SCMH1: variants seen among roughly 807,000 people sequenced by gnomAD.
SCMH1 encodes the protein Scm polycomb group protein homolog 1.
In SCMH1, 37 loss-of-function variants were observed where a neutral mutation model predicts 70.8. That is an observed-to-expected ratio of 0.52 (90% CI 0.40 to 0.69). The LOEUF (loss-of-function observed/expected upper bound fraction) is 0.69. Among genes scored for constraint, SCMH1 ranks in the 30% least tolerant of loss-of-function variants. SCMH1 has a pLI of 0.00. For missense variants in SCMH1, 607 were observed against 827.3 expected (o/e 0.73, Z 3.27); for synonymous variants, 292 against 307.4 (o/e 0.95, Z 0.52).
intron 8 of SCMH1, among the ~76,000 whole-genome samples, chr1:41,083,857 G>A (rs1221252993): frequency 6.6e-6 from 1 of 152,110 alleles, no homozygotes; most frequent in Non-Finnish European, 1.5e-5. Flanking sequence ...ACAAACCTGA[G>A]AAAAACAAGC....
chr1:41,082,653 C>T (rs1457260841), intron 8 of SCMH1, among the ~76,000 whole-genome samples: 3 of 152,004 alleles, frequency 2.0e-5, no homozygotes, highest in Admixed American at 6.6e-5. Flanking sequence ...ATACCAAAGC[C>T]GGGCAGAGAC....
intron 8 of SCMH1, among the ~76,000 whole-genome samples, chr1:41,092,454 T>C (rs940987515): frequency 5.9e-5 from 9 of 152,146 alleles, no homozygotes; most frequent in Admixed American, 1.3e-4. Flanking sequence ...ATTCAGGACA[T>C]AGGCATGGGC....
intron 4 of SCMH1, among the ~76,000 whole-genome samples, chr1:41,153,550 A>T (rs964215974): frequency 6.6e-6 from 1 of 152,148 alleles, no homozygotes; most frequent in East Asian, 1.9e-4. Flanking sequence ...ATACATATCA[A>T]CCATGGTAAT....
chr1:41,142,924 A>T (rs1644233416), exon 6 of SCMH1: 1 of 1,614,192 alleles, frequency 6.2e-7, no homozygotes, highest in Non-Finnish European at 8.5e-7. Flanking sequence ...AGTTCCCAAT[A>T]GGCTGGATTT....
intron 13 of SCMH1, among the ~76,000 whole-genome samples, chr1:41,034,296 C>A (rs1644975354): frequency 7.7e-6 from 1 of 129,338 alleles, no homozygotes; most frequent in African/African-American, 2.5e-5. Flanking sequence ...TTCCTGAAAG[C>A]TCTCTCCGCT....
At chr1:41,199,922 C>T (rs1016656726) in intron 1 of SCMH1, among the ~76,000 whole-genome samples, 18 of 152,170 alleles carry the variant, frequency 1.2e-4, no homozygotes, top group African/African-American at 4.3e-4. Flanking sequence ...ATCCTCTTTT[C>T]GGTTTCCTTA....
chr1:41,166,202 G>C (rs1646398067), intron 2 of SCMH1, among the ~76,000 whole-genome samples: 1 of 152,074 alleles, frequency 6.6e-6, no homozygotes, highest in Admixed American at 6.5e-5. Context: ...TGGTAGACTT[G>C]TCTGTTTTTA....
chr1:41,152,583 T>TC, intron 4 of SCMH1: 1 of 1,613,618 alleles, frequency 6.2e-7, no homozygotes, highest in Non-Finnish European at 8.5e-7. Flanking sequence ...ATTACCAGTC[T>TC]CCCCCTAATA....
At chr1:41,232,706 G>T (rs565364722) in intron 1 of SCMH1, among the ~76,000 whole-genome samples, 2 of 152,036 alleles carry the variant, frequency 1.3e-5, no homozygotes, top group South Asian at 2.1e-4. Flanking sequence ...GTGTTTATAC[G>T]TTTCAACATA....
chr1:41,053,784 G>C (rs888125174), intron 10 of SCMH1, among the ~76,000 whole-genome samples: 3 of 152,166 alleles, frequency 2.0e-5, no homozygotes, highest in African/African-American at 7.2e-5. Flanking sequence ...CAGAGTGTCA[G>C]TGAAAACTGA....
intron 8 of SCMH1, among the ~76,000 whole-genome samples, chr1:41,101,024 G>A (rs188308299): frequency 6.3e-4 from 95 of 151,338 alleles, no homozygotes; most frequent in African/African-American, 2.1e-3. Flanking sequence ...TTGGGGAGGC[G>A]GGGAGAAAAA....
At chr1:41,128,036 T>C (rs1471496071) in intron 6 of SCMH1, among the ~76,000 whole-genome samples, 3 of 152,184 alleles carry the variant, frequency 2.0e-5, no homozygotes, top group Non-Finnish European at 4.4e-5. Flanking sequence ...CAAATTTTCA[T>C]ATACAGTCAG....
intron 7 of SCMH1, among the ~76,000 whole-genome samples, chr1:41,114,752 C>T (rs1310291435): frequency 6.6e-6 from 1 of 152,046 alleles, no homozygotes; most frequent in African/African-American, 2.4e-5. Flanking sequence ...TCCTGGCTCA[C>T]TGCAACCTCT....
intron 8 of SCMH1, among the ~76,000 whole-genome samples, chr1:41,112,308 T>G (rs1335883330): frequency 6.6e-6 from 1 of 152,168 alleles, no homozygotes; most frequent in Non-Finnish European, 1.5e-5. Context: ...AACAGAGGTT[T>G]AGAAAAAGAT....
At chr1:41,045,373 T>C (rs1355539337) in intron 12 of SCMH1, among the ~76,000 whole-genome samples, 1 of 151,970 alleles carries the variant, frequency 6.6e-6, no homozygotes, top group Non-Finnish European at 1.5e-5. Flanking sequence ...TGCTTGCAAG[T>C]CACATAAGCA....
chr1:41,113,557 GAC>G lies in SCMH1; in HGVS notation c.502-33_502-32del. 6.3e-7 allele frequency: 1 copy of G among 1,583,784 alleles called. No individual in the cohort carries two copies. The highest frequency in any genetic ancestry group is 8.6e-7 in the Non-Finnish European group (1 of 1,166,706). On this transcript the variant is annotated intron_variant, in intron 7 of 14. Transcript: ENST00000337495. The surrounding 1 kb of genome is among the most constrained non-coding windows in gnomAD (Gnocchi z 4.3). ...TGAGAAACAGAAACATACACACCTAGACACAAAGAGAGGCCATTATGCCAATA... is the reference window on the plus strand; with the variant it reads ...TGAGAAACAGAAACATACACACCTAGACAAAGAGAGGCCATTATGCCAATA...
At chr1:41,173,684 T>C (rs1179422085) in intron 2 of SCMH1, among the ~76,000 whole-genome samples, 1 of 152,224 alleles carries the variant, frequency 6.6e-6, no homozygotes, top group African/African-American at 2.4e-5. Flanking sequence ...GCAGCACTAT[T>C]CATAATAGTC....
At chr1:41,055,248 A>C (rs942343371) in intron 10 of SCMH1, among the ~76,000 whole-genome samples, 1 of 152,244 alleles carries the variant, frequency 6.6e-6, no homozygotes, top group Admixed American at 6.5e-5. Context: ...ATGGAAAACA[A>C]GGATGATTCA....
At chr1:41,169,436 G>T (rs74069070) in intron 2 of SCMH1, among the ~76,000 whole-genome samples, 1,955 of 152,222 alleles carry the variant, frequency 0.013, 38 homozygotes, top group African/African-American at 0.045. Flanking sequence ...CTCAGAGGAG[G>T]TATAACCTCT....
Sources: gnomAD v4.1 joint callset for allele counts (sites outside exome capture counted in the v4.1 genomes callset) on GRCh38, gnomAD v4.1.1 for gene constraint, Gnocchi (gnomAD v3.1) non-coding constraint, MANE v1.5 for transcripts, NCBI Gene and HGNC (gene_info 2026-07-23, HGNC 2026-07-21) for gene names.